The following BRINP3 variants were observed in gnomAD, a reference collection of about 807,000 sequenced individuals.
The protein encoded by BRINP3 is BMP/retinoic acid-inducible neural-specific protein 3.
In BRINP3, 19 loss-of-function variants were observed where a neutral mutation model predicts 71.0. The observed-to-expected ratio is 0.27, with a 90% CI of 0.19 to 0.39. The LOEUF is 0.39. Ranked by LOEUF, BRINP3 falls within the 10% of genes least tolerant of loss-of-function variation. BRINP3 has a pLI of 1.00. For missense variants in BRINP3, 959 were observed against 940.8 expected (o/e 1.02, Z -0.25); for synonymous variants, 380 against 337.7 (o/e 1.13, Z -1.37).
intron 2 of BRINP3, among the ~76,000 whole-genome samples, chr1:190,287,407 C>A (rs1000478669): frequency 6.6e-6 from 1 of 152,054 alleles, no homozygotes; most frequent in African/African-American, 2.4e-5. Context: ...TCCACTCTCC[C>A]TTTAGCCCCT....
intron 2 of BRINP3, among the ~76,000 whole-genome samples, chr1:190,426,401 G>T (rs1275747082): frequency 6.6e-6 from 1 of 151,832 alleles, no homozygotes; most frequent in Non-Finnish European, 1.5e-5. Flanking sequence ...TACCCAAAAT[G>T]CCTGGGACCA....
At chr1:190,148,361 G>A (rs1322833876) in intron 7 of BRINP3, among the ~76,000 whole-genome samples, 2 of 151,854 alleles carry the variant, frequency 1.3e-5, no homozygotes, top group African/African-American at 2.4e-5. Flanking sequence ...TTGGGAGGCC[G>A]AGGCGGCGGA....
At chr1:190,276,244 A>G (rs1184197738) in intron 3 of BRINP3, among the ~76,000 whole-genome samples, 1 of 151,600 alleles carries the variant, frequency 6.6e-6, no homozygotes, top group Non-Finnish European at 1.5e-5. Flanking sequence ...TATTTGGTGG[A>G]TTAACTTTAT....
At chr1:190,390,677 G>A (rs142544408) in intron 2 of BRINP3, among the ~76,000 whole-genome samples, 1 of 151,908 alleles carries the variant, frequency 6.6e-6, no homozygotes, top group East Asian at 1.9e-4. Context: ...TGTTGTATTA[G>A]TATTAAGTTT....
intron 6 of BRINP3, among the ~76,000 whole-genome samples, chr1:190,183,031 T>A (rs1302351983): frequency 1.3e-5 from 2 of 152,138 alleles, no homozygotes; most frequent in African/African-American, 4.8e-5. Context: ...GCAGTTGGTG[T>A]CATAAATGAG....
At chr1:190,196,340 T>C (rs1382785116) in intron 6 of BRINP3, among the ~76,000 whole-genome samples, 1 of 152,150 alleles carries the variant, frequency 6.6e-6, no homozygotes, top group Non-Finnish European at 1.5e-5. Context: ...AATAGTCAAA[T>C]TGCTTGTTCA....
At chr1:190,312,064 T>TAC (rs1665569031) in intron 2 of BRINP3, among the ~76,000 whole-genome samples, 1 of 141,884 alleles carries the variant, frequency 7.0e-6, no homozygotes, top group Non-Finnish European at 1.6e-5. Flanking sequence ...TATATATATA[T>TAC]ATATATATAT....
At chr1:190,423,580 A>T (rs1041359202) in intron 2 of BRINP3, among the ~76,000 whole-genome samples, 1 of 151,860 alleles carries the variant, frequency 6.6e-6, no homozygotes, top group Non-Finnish European at 1.5e-5. Flanking sequence ...AATGTTGCGA[A>T]TTACTTTAAT....
intron 2 of BRINP3, among the ~76,000 whole-genome samples, chr1:190,309,465 T>C (rs1665364945): frequency 6.6e-6 from 1 of 151,906 alleles, no homozygotes; most frequent in African/African-American, 2.4e-5. Context: ...ACGTCTATTT[T>C]ACTGTAATTT....
Position 190,307,202 on chromosome 1 carries a change from T to C in BRINP3, c.237-25452A>G, listed in dbSNP as rs1201068611. Among the ~76,000 whole-genome samples the C allele has an allele frequency of 2.7e-5, 4 of 150,216 alleles. No homozygotes were observed. In the Admixed American group the frequency reaches 2.7e-4, roughly 10 times the overall value. On this transcript the variant is annotated intron_variant, in intron 2 of 7. Transcript: ENST00000367462. ...ATTAAAACATACAATATTTATTAAA[T>C]ATTTTAAGTTTTTTTTAATGCCCTA...
intron 2 of BRINP3, among the ~76,000 whole-genome samples, chr1:190,420,055 G>A (rs1215171131): frequency 6.6e-6 from 1 of 151,908 alleles, no homozygotes; most frequent in Admixed American, 6.6e-5. Context: ...ACTTAAATAA[G>A]ATTAAATAAG....
chr1:190,394,577 C>T (rs1355924252), intron 2 of BRINP3, among the ~76,000 whole-genome samples: 1 of 151,370 alleles, frequency 6.6e-6, no homozygotes, highest in Non-Finnish European at 1.5e-5. Context: ...AGATAAGACC[C>T]TTAAAATATC....
chr1:190,372,326 A>C (rs1159742692), intron 2 of BRINP3, among the ~76,000 whole-genome samples: 1 of 152,152 alleles, frequency 6.6e-6, no homozygotes, highest in African/African-American at 2.4e-5. Context: ...CCACTAACAC[A>C]GATATTTCAC....
chr1:190,346,641 T>C (rs958005630), intron 2 of BRINP3, among the ~76,000 whole-genome samples: 1 of 152,096 alleles, frequency 6.6e-6, no homozygotes, highest in Admixed American at 6.6e-5. Context: ...TAATACAAAG[T>C]GCTACCTTTC....
chr1:190,205,119 G>C (rs191723481), intron 6 of BRINP3, among the ~76,000 whole-genome samples: 1 of 152,068 alleles, frequency 6.6e-6, no homozygotes, highest in Non-Finnish European at 1.5e-5. Context: ...GTTCAAGTGA[G>C]AGTTTGTTCT....
intron 2 of BRINP3, among the ~76,000 whole-genome samples, chr1:190,310,103 G>GTTTTTTTTTTTT (rs5779519): frequency 7.2e-6 from 1 of 138,672 alleles, no homozygotes. Context: ...TGTGGTTGTT[G>GTTTTTTTTTTTT]TTTTTTTTTT....
At chr1:190,471,279 A>C (rs1331763463) in intron 1 of BRINP3, among the ~76,000 whole-genome samples, 13 of 151,194 alleles carry the variant, frequency 8.6e-5, no homozygotes, top group Admixed American at 8.6e-4. Flanking sequence ...TCATTATTAA[A>C]TTTTATACTC....
intron 2 of BRINP3, among the ~76,000 whole-genome samples, chr1:190,401,094 C>G (rs1571955098): frequency 6.6e-6 from 1 of 152,190 alleles, no homozygotes; most frequent in Admixed American, 6.5e-5. Flanking sequence ...AAGTGGCTCA[C>G]CCCTGTAATC....
chr1:190,145,778 G>T (rs574194199), intron 7 of BRINP3, among the ~76,000 whole-genome samples: 12 of 152,014 alleles, frequency 7.9e-5, no homozygotes, highest in African/African-American at 2.7e-4. Context: ...CAACCTAACT[G>T]CCCATCAACC....
Sources: allele counts gnomAD v4.1 joint callset (sites outside exome capture counted in the v4.1 genomes callset), GRCh38; gene constraint gnomAD v4.1.1; transcripts MANE v1.5; gene names NCBI Gene and HGNC (gene_info 2026-07-23, HGNC 2026-07-21).